The following PKHD1 variants were observed in gnomAD, a reference collection of about 807,000 sequenced individuals.
The protein encoded by PKHD1 is PKHD1 ciliary IPT domain containing fibrocystin/polyductin, also known as fibrocystin.
Under a neutral mutation model 412.0 loss-of-function variants are expected in PKHD1, and 291 were observed. That is an observed-to-expected ratio of 0.71 (90% CI 0.64 to 0.78). PKHD1 has a LOEUF of 0.78. PKHD1 is among the 30% of genes least tolerant of loss of function. The pLI, the probability that PKHD1 is intolerant of heterozygous loss-of-function variation, is 0.00. For missense variants in PKHD1, 4,825 were observed against 4,950.7 expected (o/e 0.97, Z 0.76); for synonymous variants, 1,777 against 1,821.5 (o/e 0.98, Z 0.62).
intron 35 of PKHD1, among the ~76,000 whole-genome samples, chr6:51,981,458 G>C (rs1354798765): frequency 5.0e-3 from 763 of 151,494 alleles, no homozygotes; most frequent in Non-Finnish European, 7.3e-3. Flanking sequence ...TGATTCTCCT[G>C]CCTCAGCCTG....
At chr6:52,071,274 A>T (rs943224816) in intron 8 of PKHD1, among the ~76,000 whole-genome samples, 1 of 151,606 alleles carries the variant, frequency 6.6e-6, no homozygotes, top group Non-Finnish European at 1.5e-5. Context: ...AGTTAGTAAT[A>T]CCCTAAGCAT....
At chr6:51,623,409 T>C (rs918726362) in intron 66 of PKHD1, among the ~76,000 whole-genome samples, 10 of 152,152 alleles carry the variant, frequency 6.6e-5, no homozygotes, top group Admixed American at 1.3e-4. Flanking sequence ...TTTCTAAATA[T>C]ATACCATTGA....
In PKHD1 at chr6:52,066,887, G is replaced by A. The variant is rs1319088424; in HGVS notation, c.779-810C>T. Among the ~76,000 whole-genome samples, 9 of 152,018 alleles carry A rather than the reference G, an allele frequency of 5.9e-5. No individual in the cohort carries two copies. The South Asian group carries it at 1.2e-3, about 21-fold the overall frequency. On this transcript the variant is annotated intron_variant, in intron 11 of 66. Coordinates refer to ENST00000371117, the MANE Select transcript of PKHD1 (RefSeq NM_138694.4). Reference sequence around the variant, plus strand: ...TGCACTCCAGCCTGCGTGACAGAGCGAGACCCTGTCTCAAGAAAAAATAAA... The same window carrying A: ...TGCACTCCAGCCTGCGTGACAGAGCAAGACCCTGTCTCAAGAAAAAATAAA...
intron 60 of PKHD1, among the ~76,000 whole-genome samples, chr6:51,716,001 T>C (rs1781211026): frequency 6.6e-6 from 1 of 152,172 alleles, no homozygotes; most frequent in East Asian, 1.9e-4. Flanking sequence ...ACTGGCTATG[T>C]GGGTGTTCAT....
chr6:51,780,770 A>C (rs1010176950), intron 53 of PKHD1, among the ~76,000 whole-genome samples: 2 of 152,184 alleles, frequency 1.3e-5, no homozygotes, highest in Non-Finnish European at 1.5e-5. Context: ...TTAAATGACT[A>C]TGTTCCGAGA....
At chr6:52,050,600 G>A (rs1806659794) in intron 21 of PKHD1, among the ~76,000 whole-genome samples, 1 of 152,212 alleles carries the variant, frequency 6.6e-6, no homozygotes, top group South Asian at 2.1e-4. Flanking sequence ...CTCCTACACA[G>A]TTAATCTATT....
intron 52 of PKHD1, among the ~76,000 whole-genome samples, chr6:51,815,121 C>A (rs537319702): frequency 6.6e-6 from 1 of 152,224 alleles, no homozygotes; most frequent in South Asian, 2.1e-4. Flanking sequence ...CTTAAGTTTC[C>A]AAAAGTCCTG....
intron 60 of PKHD1, among the ~76,000 whole-genome samples, chr6:51,665,471 TC>T (rs1773587998): frequency 6.6e-6 from 1 of 152,098 alleles, no homozygotes; most frequent in Non-Finnish European, 1.5e-5. Context: ...AATTAAATAA[TC>T]CCACCAAACA....
chr6:51,895,393 T>C (rs1300019821), intron 43 of PKHD1, among the ~76,000 whole-genome samples: 1 of 152,198 alleles, frequency 6.6e-6, no homozygotes, highest in Non-Finnish European at 1.5e-5. Context: ...AAAACTGGAC[T>C]AGACTTTGCA....
At chr6:51,664,414 C>T (rs1405481211) in intron 60 of PKHD1, among the ~76,000 whole-genome samples, 1 of 152,188 alleles carries the variant, frequency 6.6e-6, no homozygotes, top group Admixed American at 6.5e-5. Flanking sequence ...TGATGCAGAG[C>T]CCTTGCACAC....
rs758562815 is a variant in PKHD1, at chr6:52,035,588, T to C, written c.3228+3A>G. ...GAAAGAGATATGAAAGGAATCCACT[T>C]ACCCTGGGTGGAACTTTGCACTGAA... On this transcript the variant is annotated splice_donor_region_variant and intron_variant, in intron 28 of 66. Transcript: ENST00000371117. 2 of 1,613,520 alleles carry C rather than the reference T, an allele frequency of 1.2e-6. No individual in the cohort carries two copies. The highest frequency in any genetic ancestry group is 1.1e-5 in the South Asian group (1 of 91,076).
intron 64 of PKHD1, among the ~76,000 whole-genome samples, chr6:51,634,466 A>T (rs1768286851): frequency 6.6e-6 from 1 of 152,218 alleles, no homozygotes; most frequent in Non-Finnish European, 1.5e-5. Context: ...CAGAAGTAAA[A>T]ACTAAATTCT....
intron 60 of PKHD1, among the ~76,000 whole-genome samples, chr6:51,738,013 C>T (rs1784076018): frequency 6.6e-6 from 1 of 152,138 alleles, no homozygotes; most frequent in African/African-American, 2.4e-5. Context: ...CCCACGTTTA[C>T]TTATTAGACT....
intron 23 of PKHD1, among the ~76,000 whole-genome samples, chr6:52,048,281 G>T (rs1896982): frequency 6.6e-6 from 1 of 152,166 alleles, no homozygotes; most frequent in Non-Finnish European, 1.5e-5. Context: ...TACATCTTCC[G>T]CATCTACAAA....
At chr6:51,828,780 C>A (rs1047809170) in intron 52 of PKHD1, among the ~76,000 whole-genome samples, 1 of 151,792 alleles carries the variant, frequency 6.6e-6, no homozygotes, top group African/African-American at 2.4e-5. Context: ...AAGCAGAAAA[C>A]AAAGGTAGAT....
At chr6:51,644,584 C>G (rs1190423580) in intron 63 of PKHD1, among the ~76,000 whole-genome samples, 1 of 152,144 alleles carries the variant, frequency 6.6e-6, no homozygotes, top group Non-Finnish European at 1.5e-5. Flanking sequence ...TGAGCTGGCA[C>G]ATGAGTCATT....
rs373767569 is a variant in PKHD1 at position 51,746,686 on chromosome 6, T to C, written c.9998+35A>G. The C allele has an allele frequency of 6.6e-5, 91 of 1,376,468 alleles. No homozygotes were observed. In the African/African-American group the frequency reaches 1.2e-3, roughly 18 times the overall value. The allele number at this position is 1,376,468 out of a possible 1,614,324, so 85.3% of individuals were successfully genotyped here. A position where few individuals can be genotyped will look rare whatever the true frequency, so the allele number is the denominator to read the frequency against. ...GTTTGAAGAATTGCCAAGTACTTCATAAATATGGCTTATTATAAATACTAA... is the reference window on the plus strand; with the variant it reads ...GTTTGAAGAATTGCCAAGTACTTCACAAATATGGCTTATTATAAATACTAA... On this transcript the variant is annotated intron_variant, in intron 59 of 66. Transcript: ENST00000371117.
intron 60 of PKHD1, among the ~76,000 whole-genome samples, chr6:51,694,353 G>C (rs1029778774): frequency 6.6e-6 from 1 of 151,292 alleles, no homozygotes; most frequent in Middle Eastern, 3.4e-3. Context: ...TCTTCCATAT[G>C]GATTTCTTTT....
chr6:51,993,780 A>C (rs1797338541), intron 35 of PKHD1, among the ~76,000 whole-genome samples: 1 of 152,098 alleles, frequency 6.6e-6, no homozygotes, highest in Non-Finnish European at 1.5e-5. Context: ...TTTAGGGAGG[A>C]AATTGTACTC....
Sources: allele counts gnomAD v4.1 joint callset (sites outside exome capture counted in the v4.1 genomes callset), GRCh38; gene constraint gnomAD v4.1.1; transcripts MANE v1.5; gene names NCBI Gene and HGNC (gene_info 2026-07-23, HGNC 2026-07-21).